ESRRG: variants seen among roughly 807,000 people sequenced by gnomAD.
ESRRG encodes the protein estrogen related receptor gamma, also known as estrogen-related receptor gamma.
Under a neutral mutation model 44.0 loss-of-function variants are expected in ESRRG, and 13 were observed. That is an observed-to-expected ratio of 0.30 (90% CI 0.19 to 0.47). The LOEUF (loss-of-function observed/expected upper bound fraction) is 0.47. ESRRG is among the 20% of genes least tolerant of loss of function. The probability of loss-of-function intolerance (pLI) is 1.00; values close to 1 mark genes in which losing one functional copy is unlikely to be tolerated. For missense variants in ESRRG, 395 were observed against 580.6 expected (o/e 0.68, Z 3.29); for synonymous variants, 215 against 214.6 (o/e 1.00, Z -0.02).
At chr1:216,646,453 T>C (rs939015324) in intron 3 of ESRRG, among the ~76,000 whole-genome samples, 2 of 152,120 alleles carry the variant, frequency 1.3e-5, no homozygotes, top group Non-Finnish European at 2.9e-5. Context: ...TTCAGTCTCA[T>C]AGTTATAAAT....
intron 2 of ESRRG, among the ~76,000 whole-genome samples, chr1:216,761,281 C>A (rs1295876498): frequency 1.3e-5 from 2 of 151,822 alleles, no homozygotes; most frequent in African/African-American, 2.4e-5. Flanking sequence ...CTTCTAGAGT[C>A]AGCTCTGAGT....
chr1:216,580,483 T>C (rs1346216030), intron 3 of ESRRG, among the ~76,000 whole-genome samples: 2 of 152,222 alleles, frequency 1.3e-5, no homozygotes, highest in Non-Finnish European at 2.9e-5. Flanking sequence ...TTTGATATGC[T>C]GTGAAAACCT....
intron 5 of ESRRG, among the ~76,000 whole-genome samples, chr1:216,534,388 A>C (rs2149168102): frequency 6.6e-6 from 1 of 152,290 alleles, no homozygotes; most frequent in South Asian, 2.1e-4. Flanking sequence ...AGAGAAAGCT[A>C]GATATATGAG....
intron 2 of ESRRG, among the ~76,000 whole-genome samples, chr1:216,896,543 TA>T (rs1189253373): frequency 6.6e-6 from 1 of 152,094 alleles, no homozygotes; most frequent in Non-Finnish European, 1.5e-5. Context: ...AAATGATAGT[TA>T]AAAAAAGACA....
At chr1:216,962,561 T>A (rs1345953291) in intron 1 of ESRRG, among the ~76,000 whole-genome samples, 1 of 152,136 alleles carries the variant, frequency 6.6e-6, no homozygotes, top group African/African-American at 2.4e-5. Context: ...TAGGAATCTT[T>A]TTTTTCTTTT....
chr1:217,058,482 G>C (rs1409137853), intron 1 of ESRRG, among the ~76,000 whole-genome samples: 1 of 152,096 alleles, frequency 6.6e-6, no homozygotes. Flanking sequence ...TGAATATTAA[G>C]TATATAGTTA....
Position 217,040,949 on chromosome 1 carries a change from G to A in ESRRG, c.-106+48558C>T, listed in dbSNP as rs116256581. 6.9e-3 allele frequency among the ~76,000 whole-genome samples: 1,045 copies of A among 152,206 alleles called. 11 individuals carry two copies. The highest frequency in any genetic ancestry group is 0.024 in the African/African-American group (984 of 41,510). On this transcript the variant is annotated intron_variant, in intron 1 of 7. Coordinates refer to the ESRRG transcript ENST00000359162. ...ATTACATCAACACAGGGAATTCTGAGTTTGATTTGCAGTTTCTGGCAATAT... is the reference window on the plus strand; with the variant it reads ...ATTACATCAACACAGGGAATTCTGAATTTGATTTGCAGTTTCTGGCAATAT...
intron 5 of ESRRG, among the ~76,000 whole-genome samples, chr1:216,547,093 A>G (rs1226318540): frequency 6.6e-6 from 1 of 152,052 alleles, no homozygotes; most frequent in Non-Finnish European, 1.5e-5. Context: ...ATCTCAGGCA[A>G]GTTGTTTGAC....
At chr1:216,597,650 A>G (rs1456573302) in intron 3 of ESRRG, among the ~76,000 whole-genome samples, 3 of 152,228 alleles carry the variant, frequency 2.0e-5, no homozygotes, top group Non-Finnish European at 4.4e-5. Context: ...GAACACTCCC[A>G]TAACTGCAGA....
intron 2 of ESRRG, among the ~76,000 whole-genome samples, chr1:216,832,277 G>C (rs535559170): frequency 2.6e-5 from 4 of 152,304 alleles, no homozygotes; most frequent in African/African-American, 9.6e-5. Context: ...ATGGACAAAA[G>C]GACAATTATC....
At chr1:216,675,186 C>A (rs1267041305) in intron 2 of ESRRG, among the ~76,000 whole-genome samples, 1 of 151,682 alleles carries the variant, frequency 6.6e-6, no homozygotes, top group Non-Finnish European at 1.5e-5. Context: ...TGTGGTGAAA[C>A]CTTGTCTCTA....
chr1:216,586,719 G>T (rs1328913827), intron 3 of ESRRG, among the ~76,000 whole-genome samples: 2 of 149,328 alleles, frequency 1.3e-5, no homozygotes, highest in African/African-American at 2.5e-5. Context: ...GGGACTACAG[G>T]CGCCCACCAC....
chr1:217,127,550 A>T (rs1292013582), intron 1 of ESRRG, among the ~76,000 whole-genome samples: 1 of 152,186 alleles, frequency 6.6e-6, no homozygotes, highest in Non-Finnish European at 1.5e-5. Context: ...AGAGATTCAG[A>T]TTTTCATCTG....
chr1:216,705,543 T>G (rs1156494691), intron 1 of ESRRG, among the ~76,000 whole-genome samples: 1 of 152,178 alleles, frequency 6.6e-6, no homozygotes, highest in Admixed American at 6.5e-5. Context: ...ATTGCCCATA[T>G]TTGAAGTGCA....
In ESRRG at chr1:216,650,960, C is replaced by T. The variant is rs766778574; in HGVS notation, c.589+13G>A. 2.6e-6 allele frequency: 4 copies of T among 1,555,312 alleles called. No individual in the cohort carries two copies. The Admixed American group carries it at 6.7e-5, about 26-fold the overall frequency. On this transcript the variant is annotated intron_variant, in intron 3 of 6. Transcript: ENST00000408911. ...AAAATCAAAACCTCAGGGGCACTAG[C>T]AAAGAGCCTTACCTTCTTTCAGCAT...
At chr1:216,669,108 A>AAC (rs758339690) in intron 2 of ESRRG, among the ~76,000 whole-genome samples, 2 of 152,070 alleles carry the variant, frequency 1.3e-5, no homozygotes, top group African/African-American at 2.4e-5. Flanking sequence ...AGCTTAAAAA[A>AAC]AAAACAAAAC....
chr1:216,984,031 C>T (rs989606371), intron 1 of ESRRG, among the ~76,000 whole-genome samples: 11 of 109,680 alleles, frequency 1.0e-4, no homozygotes, highest in Non-Finnish European at 1.4e-4. Flanking sequence ...GGAGAGGGGG[C>T]GGAGAGATAA....
At chr1:216,596,004 A>G (rs1417699065) in intron 3 of ESRRG, among the ~76,000 whole-genome samples, 1 of 152,234 alleles carries the variant, frequency 6.6e-6, no homozygotes, top group Non-Finnish European at 1.5e-5. Context: ...GCAGTCAGGG[A>G]CTGCAGCAAA....
chr1:216,779,060 CA>C (rs2093721466), intron 2 of ESRRG, among the ~76,000 whole-genome samples: 1 of 140,870 alleles, frequency 7.1e-6, no homozygotes, highest in Non-Finnish European at 1.5e-5. Context: ...AGTGGTTATT[CA>C]TATTGTTTTC....
Sources: gnomAD v4.1 joint callset for allele counts (sites outside exome capture counted in the v4.1 genomes callset) on GRCh38, gnomAD v4.1.1 for gene constraint, MANE v1.5 for transcripts, NCBI Gene and HGNC (gene_info 2026-07-23, HGNC 2026-07-21) for gene names.